NCOR2: variants seen among roughly 807,000 people sequenced by gnomAD.
NCOR2 encodes nuclear receptor corepressor 2, also known as CTG repeat protein 26.
A neutral mutation model predicts 262.9 loss-of-function variants in NCOR2; 81 were observed. That is an observed-to-expected ratio of 0.31 (90% CI 0.26 to 0.37). NCOR2 has a LOEUF of 0.37. Among genes scored for constraint, NCOR2 ranks in the 10% least tolerant of loss-of-function variants. The probability of loss-of-function intolerance (pLI) is 1.00; values close to 1 mark genes in which losing one functional copy is unlikely to be tolerated. For missense variants in NCOR2, 3,385 were observed against 3,621.4 expected (o/e 0.93, Z 1.68); for synonymous variants, 1,659 against 1,559.3 (o/e 1.06, Z -1.51).
intron 38 of NCOR2, 26 bp from the exon 41 acceptor site, chr12:124,335,658 C>G: frequency 1.3e-6 from 2 of 1,578,696 alleles, no homozygotes; most frequent in Non-Finnish European, 1.7e-6. Context: ...GGTGCAGAGT[C>G]AGGCACCGGG....
intron 7 of NCOR2, among the ~76,000 whole-genome samples, chr12:124,448,247 C>A (rs1417157052): frequency 6.6e-6 from 1 of 152,244 alleles, no homozygotes; most frequent in Non-Finnish European, 1.5e-5. Context: ...GAATGTCCCC[C>A]TTGCTTTCAG....
intron 1 of NCOR2, among the ~76,000 whole-genome samples, chr12:124,553,061 C>T (rs1171195015): frequency 6.6e-6 from 1 of 152,194 alleles, no homozygotes; most frequent in Non-Finnish European, 1.5e-5. Flanking sequence ...TTCAAGGTGT[C>T]GGTAGGCTGC....
chr12:124,334,561 C>T (rs756486932), exon 41 of NCOR2: 21 of 1,412,700 alleles, frequency 1.5e-5, no homozygotes, highest in African/African-American at 1.5e-5. Flanking sequence ...GGGGGGCGGG[C>T]AGGGGTGCGC....
chr12:124,447,617 T>C (rs2045257889), intron 7 of NCOR2, among the ~76,000 whole-genome samples: 1 of 152,148 alleles, frequency 6.6e-6, no homozygotes, highest in Non-Finnish European at 1.5e-5. Flanking sequence ...ACTAGGTATA[T>C]GAAGGCGTAA....
chr12:124,407,164 C>T (rs142267142), intron 13 of NCOR2, among the ~76,000 whole-genome samples: 1 of 152,342 alleles, frequency 6.6e-6, no homozygotes, highest in East Asian at 1.9e-4. Flanking sequence ...TTCCTTCCGC[C>T]AGCATAACCT....
rs1593102563 is a variant in NCOR2, at chr12:124,335,844, C to T, written c.6116-212G>A. On this transcript the variant is annotated intron_variant, in intron 38 of 46. Coordinates refer to ENST00000405201, the Ensembl canonical transcript of NCOR2. ...GGAGAGGTGGAGAGAGATGCAGAGC[C>T]CGGGACAGAGACAGACAGAGAGGGA... 5 of 574,440 alleles carry T rather than the reference C, an allele frequency of 8.7e-6. No individual in the cohort carries two copies. The East Asian group carries it at 1.1e-4, about 13-fold the overall frequency. 35.6% of individuals were successfully genotyped at this position (574,440 alleles called of 1,614,324 possible). A position where few individuals can be genotyped will look rare whatever the true frequency, so the allele number is the denominator to read the frequency against.
At chr12:124,412,957 G>A (rs2042663675) in intron 13 of NCOR2, among the ~76,000 whole-genome samples, 1 of 152,224 alleles carries the variant, frequency 6.6e-6, no homozygotes, top group South Asian at 2.1e-4. Context: ...CCAGGATGCT[G>A]GCTACAGCCA....
chr12:124,410,045 C>T (rs2042482752), intron 13 of NCOR2, among the ~76,000 whole-genome samples: 1 of 151,334 alleles, frequency 6.6e-6, no homozygotes, highest in African/African-American at 2.4e-5. Flanking sequence ...GACTCAAACA[C>T]CACCCATCCC....
rs1177839688 is a variant in NCOR2, at chr12:124,344,956, G to A, written c.4360-5C>T. The A allele has an allele frequency of 1.3e-6, 2 of 1,533,050 alleles. No homozygotes were observed. Among genetic ancestry groups the A allele is most frequent in the South Asian group, 1.2e-5 (1 of 82,542 alleles). 95.0% of individuals were successfully genotyped at this position (1,533,050 alleles called of 1,614,324 possible). A position where few individuals can be genotyped will look rare whatever the true frequency, so the allele number is the denominator to read the frequency against. On this transcript the variant is annotated splice_polypyrimidine_tract_variant and splice_region_variant and intron_variant, in intron 31 of 46. Coordinates refer to ENST00000405201, the Ensembl canonical transcript of NCOR2. The stretch of plus-strand genomic sequence containing the variant: ...GTCGTACTTGAGCGGGGTGCCCTGG[G>A]GCAGAGGGGATGTAAGCTCTAGCCC...
intron 1 of NCOR2, among the ~76,000 whole-genome samples, chr12:124,490,304 A>G (rs1232351758): frequency 6.6e-6 from 1 of 152,128 alleles, no homozygotes; most frequent in African/African-American, 2.4e-5. Context: ...ATTCCCCACA[A>G]GGAGGTCAGC....
intron 33 of NCOR2, 43 bp from the exon 36 acceptor site, chr12:124,342,117 G>A (rs760516618): frequency 1.9e-6 from 3 of 1,571,590 alleles, no homozygotes; most frequent in Non-Finnish European, 8.6e-7. Context: ...GCCATACCTA[G>A]GCCTGATGGT....
chr12:124,410,575 G>C (rs1478502672), intron 13 of NCOR2, among the ~76,000 whole-genome samples: 2 of 152,040 alleles, frequency 1.3e-5, no homozygotes, highest in African/African-American at 4.8e-5. Flanking sequence ...CCACCGGAAG[G>C]CTGTGGGCCC....
At chr12:124,535,045 C>T (rs74622471) in intron 1 of NCOR2, among the ~76,000 whole-genome samples, 6,807 of 152,298 alleles carry the variant, frequency 0.045, 324 homozygotes, top group African/African-American at 0.12. Context: ...AGCAACCTGG[C>T]CCCAGTGCCC....
At chr12:124,393,598 T>C (rs920173137) in intron 16 of NCOR2, among the ~76,000 whole-genome samples, 5 of 152,254 alleles carry the variant, frequency 3.3e-5, no homozygotes, top group African/African-American at 1.2e-4. Flanking sequence ...GTCCTGCCTT[T>C]GTTACCTGGT....
rs1555297216 is a variant in NCOR2, at chr12:124,325,377, G to GCAC, written c.*24_*25insGTG. 2.8e-5 allele frequency: 7 copies of GCAC among 251,136 alleles called. 1 individual carries two copies. The highest frequency in any genetic ancestry group is 7.4e-5 in the African/African-American group (2 of 27,208). The allele number at this position is 251,136 out of a possible 1,614,324, so 15.6% of individuals were successfully genotyped here. On this transcript the variant is annotated 3_prime_UTR_variant, in exon 47 of 47. Coordinates refer to ENST00000405201, the Ensembl canonical transcript of NCOR2. ...CTGTGGCTCGCTGGGACCTGACACC[G>GCAC]CCCCCCCCCCCGCCCTGTTCTGAGT...
At chr12:124,456,975 T>A in intron 6 of NCOR2, 131 bp downstream of exon 8, 2 of 629,098 alleles carry the variant, frequency 3.2e-6, no homozygotes, top group South Asian at 5.3e-5. Context: ...TCCTGCTTCC[T>A]CCGCGGACGC....
At chr12:124,361,293 C>T (rs773294470) in intron 22 of NCOR2, among the ~76,000 whole-genome samples, 16 of 152,184 alleles carry the variant, frequency 1.1e-4, no homozygotes, top group Admixed American at 3.3e-4. Context: ...CAGCAAGCGC[C>T]GGGGCTAGCC....
intron 28 of NCOR2, chr12:124,348,604 T>G (rs749925290): frequency 8.4e-6 from 4 of 473,506 alleles, no homozygotes; most frequent in Non-Finnish European, 1.1e-5. Flanking sequence ...CAAGCAAGGG[T>G]GTGCCTGTGA....
At chr12:124,495,291 T>G, upstream of NCOR2, 1 of 1,585,538 alleles carries the variant, frequency 6.3e-7, no homozygotes, top group Non-Finnish European at 8.6e-7. The surrounding 1 kb of genome is among the most constrained non-coding windows in gnomAD (Gnocchi z 4.4). Flanking sequence ...CAGGCCCCAA[T>G]AAGCTTTCTC....
Sources: gnomAD v4.1 joint callset for allele counts (sites outside exome capture counted in the v4.1 genomes callset) on GRCh38, gnomAD v4.1.1 for gene constraint, Gnocchi (gnomAD v3.1) non-coding constraint, MANE v1.5 for transcripts, NCBI Gene and HGNC (gene_info 2026-07-23, HGNC 2026-07-21) for gene names.